Variants in ADAMTS17 observed in about 807,000 individuals in gnomAD.
The protein encoded by ADAMTS17 is A disintegrin and metalloproteinase with thrombospondin motifs 17.
A neutral mutation model predicts 141.5 loss-of-function variants in ADAMTS17; 113 were observed. The observed-to-expected ratio is 0.80, with a 90% CI of 0.69 to 0.93. ADAMTS17 has a LOEUF of 0.93. Among genes scored for constraint, ADAMTS17 ranks in the 40% least tolerant of loss-of-function variants. The pLI is 0.00. For synonymous variants in ADAMTS17, 768 were observed against 630.6 expected, an observed-to-expected ratio of 1.22 and a Z score of -3.27; for missense variants, 1,659 against 1,517.9, an observed-to-expected ratio of 1.09 and a Z score of -1.54.
chr15:100,332,353 C>T (rs560975797), intron 2 of ADAMTS17, among the ~76,000 whole-genome samples: 9 of 152,350 alleles, frequency 5.9e-5, no homozygotes, highest in Admixed American at 2.6e-4. Flanking sequence ...GATGCGGCCT[C>T]GGTGCAGAAC....
chr15:100,099,025 C>G (rs193031556), intron 14 of ADAMTS17, among the ~76,000 whole-genome samples: 89 of 152,340 alleles, frequency 5.8e-4, no homozygotes, highest in Non-Finnish European at 7.5e-4. Context: ...GGTTCCTTGT[C>G]CTGCACCTCA....
chr15:100,149,064 G>C (rs965340032), intron 10 of ADAMTS17, among the ~76,000 whole-genome samples: 1 of 152,240 alleles, frequency 6.6e-6, no homozygotes, highest in Non-Finnish European at 1.5e-5. Context: ...AGGCTGCCTA[G>C]CAGGGAAGAA....
At chr15:100,111,622 C>A (rs761766090) in intron 13 of ADAMTS17, among the ~76,000 whole-genome samples, 2 of 152,236 alleles carry the variant, frequency 1.3e-5, no homozygotes, top group Non-Finnish European at 2.9e-5. Context: ...GGTCCCTTGG[C>A]TGAAGTGGTT....
chr15:100,212,116 C>T (rs191689063), intron 7 of ADAMTS17, among the ~76,000 whole-genome samples: 9 of 152,286 alleles, frequency 5.9e-5, no homozygotes, highest in East Asian at 5.8e-4. Context: ...GTACCACCAC[C>T]CCACGAAGGG....
intron 7 of ADAMTS17, among the ~76,000 whole-genome samples, chr15:100,236,703 T>C (rs2042666960): frequency 6.6e-6 from 1 of 152,072 alleles, no homozygotes; most frequent in Non-Finnish European, 1.5e-5. Flanking sequence ...CTGGGCATAG[T>C]GGTGCGTGCC....
intron 3 of ADAMTS17, among the ~76,000 whole-genome samples, chr15:100,321,134 A>G (rs778130405): frequency 2.6e-5 from 4 of 152,366 alleles, no homozygotes; most frequent in Non-Finnish European, 2.9e-5. Context: ...TATATTATCA[A>G]TGAAGGAAAC....
At chr15:100,209,368 C>T (rs1266625245) in intron 7 of ADAMTS17, among the ~76,000 whole-genome samples, 4 of 152,134 alleles carry the variant, frequency 2.6e-5, no homozygotes, top group East Asian at 1.9e-4. Context: ...AGCTCCTGAA[C>T]GCCAGCTCCT....
At chr15:99,988,736 T>C (rs1485987472) in intron 20 of ADAMTS17, among the ~76,000 whole-genome samples, 1 of 152,172 alleles carries the variant, frequency 6.6e-6, no homozygotes, top group African/African-American at 2.4e-5. Context: ...CCATCTTACC[T>C]GACAGGCATT....
chr15:100,152,558 TGGGA>T, intron 10 of ADAMTS17, 50 bp downstream of exon 10: 8 of 1,600,248 alleles, frequency 5.0e-6, no homozygotes, highest in Non-Finnish European at 6.8e-6. Context: ...AGACCTGCTG[TGGGA>T]GGGCTGGATC....
chr15:100,156,787 C>G (rs934526156), intron 8 of ADAMTS17, among the ~76,000 whole-genome samples: 1 of 152,212 alleles, frequency 6.6e-6, no homozygotes, highest in East Asian at 1.9e-4. Flanking sequence ...GGCTGCTTCA[C>G]AAGTCTTTTA....
intron 2 of ADAMTS17, 92 bp from the exon 3 acceptor site, chr15:100,331,146 G>A (rs2046042026): frequency 6.6e-6 from 10 of 1,526,358 alleles, no homozygotes; most frequent in Non-Finnish European, 8.9e-6. Context: ...CCACCTTGCT[G>A]TGATTTGGTT....
chr15:100,175,583 G>T (rs1001104202), intron 8 of ADAMTS17, among the ~76,000 whole-genome samples: 1 of 152,174 alleles, frequency 6.6e-6, no homozygotes, highest in Non-Finnish European at 1.5e-5. Flanking sequence ...ACCCCAGGGC[G>T]TGATGGAGAC....
rs536338879 is a variant in ADAMTS17, at chr15:100,326,699, G to T, written c.616+4190C>A. ...CTGGCACCTACGCTCTTTATGGGGA[G>T]AGACCTAAGCCTGCCATAAACCTTT... On this transcript the variant is annotated intron_variant, in intron 3 of 21. Transcript: ENST00000268070. Among the ~76,000 whole-genome samples, 24 of 152,302 alleles carry T rather than the reference G, an allele frequency of 1.6e-4. No homozygotes were observed. In the South Asian group the frequency reaches 4.8e-3, roughly 30 times the overall value.
At chr15:100,135,755 TG>T (rs1425006234) in intron 10 of ADAMTS17, among the ~76,000 whole-genome samples, 2 of 151,868 alleles carry the variant, frequency 1.3e-5, no homozygotes, top group African/African-American at 2.4e-5. Flanking sequence ...AGTAGAAAAA[TG>T]GGCAAAAGTC....
chr15:100,011,913 T>C (rs371771642), intron 18 of ADAMTS17, among the ~76,000 whole-genome samples: 21 of 152,338 alleles, frequency 1.4e-4, no homozygotes, highest in African/African-American at 5.1e-4. Context: ...TACCCAGTGG[T>C]GGGATTGCTG....
chr15:100,194,486 C>T (rs1435112310), intron 8 of ADAMTS17, among the ~76,000 whole-genome samples: 2 of 152,236 alleles, frequency 1.3e-5, no homozygotes, highest in African/African-American at 4.8e-5. Context: ...AGCTGCATTA[C>T]ACCCACCTTA....
At chr15:100,189,393 T>C (rs909287682) in intron 8 of ADAMTS17, among the ~76,000 whole-genome samples, 5 of 152,236 alleles carry the variant, frequency 3.3e-5, no homozygotes, top group Non-Finnish European at 7.3e-5. Flanking sequence ...TGCCTTTTTC[T>C]TTATAACTCT....
At chr15:100,217,877 A>C (rs2042017347) in intron 7 of ADAMTS17, among the ~76,000 whole-genome samples, 2 of 152,174 alleles carry the variant, frequency 1.3e-5, no homozygotes, top group Admixed American at 1.3e-4. Context: ...AGGAAGGAAA[A>C]AAGGAATGAC....
chr15:100,194,976 C>T lies in ADAMTS17; in HGVS notation c.1181+4342G>A, dbSNP rs999504501. Among the ~76,000 whole-genome samples, 10 of 152,354 alleles carry T rather than the reference C, an allele frequency of 6.6e-5. No homozygotes were observed. The East Asian group carries it at 7.7e-4, about 12-fold the overall frequency. ...ACCCCGGCTAAAAACACTCACTTTA[C>T]GGTGCATTTCTCAAGCTACCGCTAT... On this transcript the variant is annotated intron_variant, in intron 8 of 21. Coordinates refer to ENST00000268070, the MANE Select transcript of ADAMTS17 (RefSeq NM_139057.4).
Sources: allele counts gnomAD v4.1 joint callset (sites outside exome capture counted in the v4.1 genomes callset), GRCh38; gene constraint gnomAD v4.1.1; transcripts MANE v1.5; gene names NCBI Gene and HGNC (gene_info 2026-07-23, HGNC 2026-07-21).